MIB2: variants seen among roughly 807,000 people sequenced by gnomAD.
MIB2 encodes the protein MIB E3 ubiquitin protein ligase 2.
A neutral mutation model predicts 96.6 loss-of-function variants in MIB2; 78 were observed. That is an observed-to-expected ratio of 0.81 (90% CI 0.67 to 0.97). The LOEUF is 0.97. Among genes scored for constraint, MIB2 ranks in the 50% least tolerant of loss-of-function variants. The pLI is 0.00. For synonymous variants in MIB2, 820 were observed against 629.5 expected (o/e 1.30, Z -4.53); for missense variants, 1,543 against 1,424.0 (o/e 1.08, Z -1.35).
chr1:1,630,170 C>CAGGCTCTCGGGTCCAGA, intron 19 of MIB2, 122 bp from the exon 20 acceptor site: 1 of 341,094 alleles, frequency 2.9e-6, no homozygotes, highest in South Asian at 3.2e-5. Flanking sequence ...CCGCCAGCCC[C>CAGGCTCTCGGGTCCAGA]CCTTGCAGGT....
At chr1:1,624,508 G>C (rs757935680) in intron 4 of MIB2, among the ~76,000 whole-genome samples, 1 of 152,348 alleles carries the variant, frequency 6.6e-6, no homozygotes, top group East Asian at 1.9e-4. Context: ...CAGAGGTCTT[G>C]CCGAGGGTGG....
At chr1:1,615,724 C>A (rs1418834184) in intron 1 of MIB2, 91 bp downstream of exon 1, 2 of 1,491,808 alleles carry the variant, frequency 1.3e-6, no homozygotes, top group South Asian at 1.3e-5. Context: ...CGTCCGGTTC[C>A]CGCTCCCGCT....
rs746300607 is a variant in MIB2 at position 1,623,990 on chromosome 1, C to A, written c.419+45C>A. On this transcript the variant is annotated intron_variant, in intron 4 of 19. Transcript: ENST00000355826. ...GGCTCCTGTGCGGCGGGTACCCAGGCCTTGCCACTGGGGCCTTGGCCTTCG... is the reference window on the plus strand; with the variant it reads ...GGCTCCTGTGCGGCGGGTACCCAGGACTTGCCACTGGGGCCTTGGCCTTCG... 4 of 1,565,012 alleles carry A rather than the reference C, an allele frequency of 2.6e-6. No individual in the cohort carries two copies. In the African/African-American group the frequency reaches 5.4e-5, roughly 21 times the overall value.
intron 1 of MIB2, 168 bp downstream of exon 1, chr1:1,615,801 GCGC>G: frequency 7.6e-7 from 1 of 1,317,698 alleles, no homozygotes; most frequent in African/African-American, 1.6e-5. Flanking sequence ...TGCGCGCGCA[GCGC>G]CGCCGCGGGG....
chr1:1,615,775 C>A (rs1170473257), intron 1 of MIB2, 142 bp downstream of exon 1: 6 of 1,398,516 alleles, frequency 4.3e-6, no homozygotes, highest in South Asian at 1.5e-5. Context: ...AGGGTCCGCA[C>A]GGGATGGGCT....
In MIB2 at chr1:1,627,322, C is replaced by A; in HGVS notation, c.1401C>A (p.Thr467=). The A allele has an allele frequency of 6.2e-7, 1 of 1,613,196 alleles. No individual in the cohort carries two copies. The highest frequency in any genetic ancestry group is 8.5e-7 in the Non-Finnish European group (1 of 1,179,974). The change falls in exon 12 of 20, where the codon ACC becomes ACA. Residue 467 remains threonine, a synonymous_variant. Coordinates refer to ENST00000355826, the MANE Select transcript of MIB2 (RefSeq NM_001170687.4). The stretch of plus-strand genomic sequence containing the variant: ...TGGACACCAAGAACCAAGGCAGGAC[C>A]GCTCTGCAAGTGGCTGCCTACCTGG... ...EQVDTKNQGR[T]ALQVAAYLGQ... is the part of the protein sequence containing the mutation.
Position 1,625,323 on chromosome 1 carries a change from C to A in MIB2, c.759C>A (p.Asp253Glu). Reference protein sequence around the residue: ...PAELQRRVSADSQPFQHGDKV... With the variant: ...PAELQRRVSAESQPFQHGDKV... ...AGCTGCAGCGCAGGGTGAGTGCTGA[C>A]AGCCAGCCCTTCCAGCACGGGGACA... is the stretch of plus-strand genomic sequence containing the variant. The change falls in exon 7 of 20, where the codon GAC becomes GAA. Residue 253 changes from aspartate (D) to glutamate (E), a missense_variant. By Grantham distance (45) the Asp-to-Glu change is conservative. Transcript: ENST00000355826. The surrounding 1 kb of genome is among the most constrained non-coding windows in gnomAD (Gnocchi z 5.0). 1 of 1,580,268 alleles carries A rather than the reference C, an allele frequency of 6.3e-7. No homozygotes were observed. The highest frequency in any genetic ancestry group is 8.6e-7 in the Non-Finnish European group (1 of 1,164,188).
rs1352188306 is a variant in MIB2 at position 1,626,962 on chromosome 1, C to T, written c.1203C>T (p.Ala401=). 6.2e-7 allele frequency: 1 copy of T among 1,611,540 alleles called. No homozygotes were observed. The highest frequency in any genetic ancestry group is 8.5e-7 in the Non-Finnish European group (1 of 1,179,600). Residue 401 remains alanine (A), a synonymous_variant, in exon 10 of 20, where the codon GCC becomes GCT. Transcript: ENST00000355826. This position sits in a 1 kb window ranked among gnomAD's most constrained non-coding sequence, Gnocchi z 5.3. ...CLVAYRPEED[A]NLDVAERARE... is the part of the protein sequence containing the mutation. ...TGGCCTACCGGCCCGAGGAGGATGC[C>T]AACCTGGACGTGGCCGAGCGCGCCC...
Position 1,627,538 on chromosome 1 carries a change from C to T in MIB2, c.1523+94C>T, listed in dbSNP as rs990612599. On this transcript the variant is annotated intron_variant, in intron 12 of 19. Coordinates refer to ENST00000355826, the MANE Select transcript of MIB2 (RefSeq NM_001170687.4). ...CCCGGCCGGCGGGGCTGAGCCTGTG[C>T]GTCCTGGGGTGAGGCCTGGGAGGGG... The T allele has an allele frequency of 6.1e-6, 9 of 1,471,592 alleles. No homozygotes were observed. In the Admixed American group the frequency reaches 1.2e-4, roughly 20 times the overall value. The allele number at this position is 1,471,592 out of a possible 1,614,324, so 91.2% of individuals were successfully genotyped here.
rs1043849848 is a variant in MIB2, at chr1:1,625,375, G to A, written c.811G>A (p.Val271Ile). 1.9e-6 allele frequency: 3 copies of A among 1,589,234 alleles called. No individual in the cohort carries two copies. Among genetic ancestry groups the A allele is most frequent in the Non-Finnish European group, 2.6e-6 (3 of 1,168,618 alleles). The change falls in exon 7 of 20, where the codon GTC (valine) becomes ATC (isoleucine). Residue 271 changes from valine (V) to isoleucine (I), a missense_variant. Coordinates refer to ENST00000355826, the MANE Select transcript of MIB2 (RefSeq NM_001170687.4). This position sits in a 1 kb window ranked among gnomAD's most constrained non-coding sequence, Gnocchi z 5.0. ...DKVKCLLDTD[V>I]LREMQEGHGG... ...GGTCAAGTGTCTGCTGGACACTGAT[G>A]TCCTGCGGGAGATGCAGGAAGGCCA...
upstream of MIB2, chr1:1,615,476 G>A (rs1435427317): frequency 6.6e-7 from 1 of 1,521,066 alleles, no homozygotes; most frequent in South Asian, 1.2e-5. Flanking sequence ...GGGGCGCTCC[G>A]GCGGGGGCGG....
chr1:1,624,756 G>A (rs1288397950), intron 4 of MIB2, 39 bp from the exon 5 acceptor site: 2 of 1,582,294 alleles, frequency 1.3e-6, no homozygotes, highest in Non-Finnish European at 8.6e-7. Flanking sequence ...AGAGATGGCG[G>A]TTTTCTTCTG....
chr1:1,624,371 G>T (rs1352322794), intron 4 of MIB2, among the ~76,000 whole-genome samples: 1 of 152,162 alleles, frequency 6.6e-6, no homozygotes, highest in African/African-American at 2.4e-5. Context: ...GGGAGGTGTG[G>T]TTGTCTTGGG....
At position 1,627,182 on chromosome 1, in the gene MIB2, A is replaced by G; in HGVS notation, c.1349A>G (p.Asp450Gly). The change falls in exon 11 of 20, where the codon GAC becomes GGC. Residue 450 changes from aspartate to glycine, a missense_variant. Coordinates refer to ENST00000355826, the MANE Select transcript of MIB2 (RefSeq NM_001170687.4). ...VALGNAARAL[D>G]LLRRRPEQVD... is the part of the protein sequence containing the mutation. ...CTGGGTAACGCAGCCCGGGCTCTGG[A>G]CCTGCTGCGGAGGCGCCCAGAGCAG... The G allele has an allele frequency of 6.3e-7, 1 of 1,595,354 alleles. No homozygotes were observed. The highest frequency in any genetic ancestry group is 8.5e-7 in the Non-Finnish European group (1 of 1,171,606).
intron 11 of MIB2, 39 bp downstream of exon 11, chr1:1,627,246 G>C (rs1644875923): frequency 2.5e-6 from 4 of 1,612,730 alleles, no homozygotes; most frequent in Non-Finnish European, 3.4e-6. Context: ...TGGCCAGTCT[G>C]AGAGTGAGGG....
At chr1:1,616,648 GC>G in intron 2 of MIB2, 34 bp downstream of exon 2, 1 of 1,523,078 alleles carries the variant, frequency 6.6e-7, no homozygotes, top group Non-Finnish European at 8.9e-7. Context: ...CTGATAGTTT[GC>G]ACTTGGCTCT....
intron 1 of MIB2, 60 bp downstream of exon 1, chr1:1,615,693 G>T: frequency 6.6e-7 from 1 of 1,520,418 alleles, no homozygotes; most frequent in Non-Finnish European, 8.8e-7. Context: ...GTCGTTCTCC[G>T]CTCTGGCAGA....
intron 1 of MIB2, 114 bp from the exon 2 acceptor site, chr1:1,616,394 C>T: frequency 1.3e-6 from 1 of 757,704 alleles, no homozygotes; most frequent in Non-Finnish European, 2.0e-6. Flanking sequence ...CTGAGTGTCG[C>T]GGCCGTGGGC....
chr1:1,621,860 C>T (rs1240939938), intron 2 of MIB2, among the ~76,000 whole-genome samples: 1 of 152,214 alleles, frequency 6.6e-6, no homozygotes, highest in South Asian at 2.1e-4. Flanking sequence ...ACTCAGTCTC[C>T]GGAGTGGGGC....
Sources: gnomAD v4.1 joint callset for allele counts (sites outside exome capture counted in the v4.1 genomes callset) on GRCh38, gnomAD v4.1.1 for gene constraint, Gnocchi (gnomAD v3.1) non-coding constraint, MANE v1.5 for transcripts, NCBI Gene and HGNC (gene_info 2026-07-23, HGNC 2026-07-21) for gene names.